DLGAP4: variants seen among roughly 807,000 people sequenced by gnomAD.
The protein encoded by DLGAP4 is DLG associated protein 4.
In DLGAP4, 18 loss-of-function variants were observed where a neutral mutation model predicts 86.9. The observed-to-expected ratio is 0.21, with a 90% CI of 0.14 to 0.31. The LOEUF (loss-of-function observed/expected upper bound fraction) is 0.31. DLGAP4 is among the 10% of genes least tolerant of loss of function. The probability of loss-of-function intolerance (pLI) is 1.00; values close to 1 mark genes in which losing one functional copy is unlikely to be tolerated. For missense variants in DLGAP4, 1,085 were observed against 1,362.6 expected (o/e 0.80, Z 3.21); for synonymous variants, 548 against 574.3 (o/e 0.95, Z 0.65).
intron 7 of DLGAP4, among the ~76,000 whole-genome samples, chr20:36,454,479 A>G (rs2033828535): frequency 6.6e-6 from 1 of 152,074 alleles, no homozygotes; most frequent in Non-Finnish European, 1.5e-5. Flanking sequence ...ACAACCATAT[A>G]TGGCGAGCCT....
At chr20:36,476,812 A>G (rs528811090) in intron 7 of DLGAP4, among the ~76,000 whole-genome samples, 4 of 149,024 alleles carry the variant, frequency 2.7e-5, no homozygotes, top group East Asian at 2.0e-4. Context: ...GGTTCAAGCA[A>G]TCTCCCAAGT....
intron 1 of DLGAP4, among the ~76,000 whole-genome samples, chr20:36,321,878 C>T (rs956439785): frequency 2.6e-5 from 4 of 152,174 alleles, no homozygotes; most frequent in African/African-American, 9.7e-5. Flanking sequence ...CATTTTGATG[C>T]CGACCTTCCA....
chr20:36,389,334 C>T (rs755725753), intron 2 of DLGAP4, among the ~76,000 whole-genome samples: 15 of 152,160 alleles, frequency 9.9e-5, no homozygotes, highest in South Asian at 2.1e-4. Flanking sequence ...TCAGGTGGTT[C>T]GAGTACCAGC....
chr20:36,410,051 A>G (rs2032453681), intron 2 of DLGAP4, among the ~76,000 whole-genome samples: 1 of 150,764 alleles, frequency 6.6e-6, no homozygotes, highest in African/African-American at 2.4e-5. Context: ...AAAAAAAAAA[A>G]GTACTCCTCC....
intron 12 of DLGAP4, among the ~76,000 whole-genome samples, chr20:36,526,411 A>C (rs556897690): frequency 6.6e-6 from 1 of 152,070 alleles, no homozygotes; most frequent in South Asian, 2.1e-4. Context: ...GCAAACCAGA[A>C]CCAGTGACCC....
chr20:36,408,089 A>C (rs1217176449), intron 2 of DLGAP4, among the ~76,000 whole-genome samples: 1 of 151,794 alleles, frequency 6.6e-6, no homozygotes, highest in East Asian at 1.9e-4. Flanking sequence ...GTGAGGAAGG[A>C]GACACGGGGA....
intron 2 of DLGAP4, among the ~76,000 whole-genome samples, chr20:36,377,023 CTG>C (rs1241831351): frequency 1.3e-5 from 2 of 152,154 alleles, no homozygotes; most frequent in African/African-American, 4.8e-5. Flanking sequence ...ACCTGGGCAA[CTG>C]TGTAAGGACC....
intron 1 of DLGAP4, among the ~76,000 whole-genome samples, chr20:36,329,694 C>T (rs1036624226): frequency 5.9e-5 from 9 of 152,000 alleles, no homozygotes; most frequent in East Asian, 3.9e-4. Flanking sequence ...GTCAGGAGTT[C>T]GAGACCAGCC....
chr20:36,497,136 G>T, intron 8 of DLGAP4, 70 bp downstream of exon 8: 2 of 1,519,894 alleles, frequency 1.3e-6, no homozygotes, highest in Non-Finnish European at 1.8e-6. Flanking sequence ...ATTACATCTG[G>T]TAGAGGCCCA....
At chr20:36,436,468 C>T (rs1447364055) in intron 4 of DLGAP4, 118 bp downstream of exon 4, 13 of 1,408,358 alleles carry the variant, frequency 9.2e-6, no homozygotes, top group Non-Finnish European at 1.2e-5. Context: ...GGGAGCCACG[C>T]CCCCTTTGAG....
At chr20:36,478,421 G>A (rs577389432) in intron 7 of DLGAP4, among the ~76,000 whole-genome samples, 1 of 152,334 alleles carries the variant, frequency 6.6e-6, no homozygotes, top group African/African-American at 2.4e-5. Context: ...CTCTTTGTGA[G>A]AGCAGAAAAG....
intron 1 of DLGAP4, among the ~76,000 whole-genome samples, chr20:36,358,667 G>T (rs2030414552): frequency 6.6e-6 from 1 of 152,144 alleles, no homozygotes; most frequent in Non-Finnish European, 1.5e-5. Flanking sequence ...AATTAGCCGG[G>T]TGTGGTGGTG....
chr20:36,414,531 G>A (rs974571800), intron 2 of DLGAP4, among the ~76,000 whole-genome samples: 1 of 152,252 alleles, frequency 6.6e-6, no homozygotes, highest in African/African-American at 2.4e-5. Context: ...CAGCCTGAGT[G>A]TGCAGAAAGC....
chr20:36,425,052 A>G (rs1396856459), intron 2 of DLGAP4, among the ~76,000 whole-genome samples: 1 of 151,874 alleles, frequency 6.6e-6, no homozygotes, highest in Non-Finnish European at 1.5e-5. Flanking sequence ...TGCTGGGGGG[A>G]AGGGAAGCCA....
intron 10 of DLGAP4, among the ~76,000 whole-genome samples, chr20:36,509,113 C>G (rs1288518263): frequency 6.6e-6 from 1 of 152,200 alleles, no homozygotes; most frequent in Non-Finnish European, 1.5e-5. Flanking sequence ...ATTCATTCTT[C>G]TATTGGATTC....
At chr20:36,316,932 C>T (rs1312585543) in intron 1 of DLGAP4, among the ~76,000 whole-genome samples, 1 of 152,212 alleles carries the variant, frequency 6.6e-6, no homozygotes, top group Non-Finnish European at 1.5e-5. Flanking sequence ...TTGGCTTGCA[C>T]ACCTACCAGG....
chr20:36,501,742 A>G (rs2036153280), intron 10 of DLGAP4, among the ~76,000 whole-genome samples: 1 of 152,178 alleles, frequency 6.6e-6, no homozygotes, highest in Non-Finnish European at 1.5e-5. Flanking sequence ...GGGGGCCCTG[A>G]GGACAGCAGC....
At chr20:36,311,972 T>C (rs1450129889) in intron 1 of DLGAP4, among the ~76,000 whole-genome samples, 1 of 152,182 alleles carries the variant, frequency 6.6e-6, no homozygotes, top group Non-Finnish European at 1.5e-5. Flanking sequence ...TTGGGGAACC[T>C]GAACAGATGC....
At chr20:36,493,695 G>T (rs898045859) in intron 7 of DLGAP4, among the ~76,000 whole-genome samples, 1 of 152,222 alleles carries the variant, frequency 6.6e-6, no homozygotes, top group Non-Finnish European at 1.5e-5. Flanking sequence ...GGGGCCCAAG[G>T]CCTGGAGAGC....
Sources: gnomAD v4.1 joint callset for allele counts (sites outside exome capture counted in the v4.1 genomes callset) on GRCh38, gnomAD v4.1.1 for gene constraint, MANE v1.5 for transcripts, NCBI Gene and HGNC (gene_info 2026-07-23, HGNC 2026-07-21) for gene names.